YBX1: variants seen among roughly 807,000 people sequenced by gnomAD.
YBX1 encodes Y-box binding protein 1.
In YBX1, 3 loss-of-function variants were observed where a neutral mutation model predicts 41.4. That is an observed-to-expected ratio of 0.07 (90% confidence interval 0.03 to 0.19). YBX1 has a LOEUF of 0.19. Ranked by LOEUF, YBX1 falls within the 10% of genes least tolerant of loss-of-function variation. The pLI, the probability that YBX1 is intolerant of heterozygous loss-of-function variation, is 1.00. For missense variants in YBX1, 274 were observed against 462.8 expected (o/e 0.59, Z 3.74); for synonymous variants, 133 against 165.8 (o/e 0.80, Z 1.52).
intron 3 of YBX1, among the ~76,000 whole-genome samples, chr1:42,693,915 C>G (rs1233299754): frequency 6.6e-6 from 1 of 152,150 alleles, no homozygotes; most frequent in African/African-American, 2.4e-5. Flanking sequence ...AGGGACAAAT[C>G]TCCATAATCA....
intron 1 of YBX1, 128 bp from the exon 2 acceptor site, chr1:42,683,275 C>G (rs774001482): frequency 1.3e-5 from 14 of 1,084,574 alleles, no homozygotes; most frequent in African/African-American, 3.1e-5. Context: ...CGCACCCGGG[C>G]GGTGGAGAGA....
At position 42,692,040 on chromosome 1, in the gene YBX1, C is replaced by T. The variant is rs148805475; in HGVS notation, c.231-1450C>T. 4.0e-3 allele frequency among the ~76,000 whole-genome samples: 609 copies of T among 152,124 alleles called. 3 individuals are homozygous for T. The highest frequency in any genetic ancestry group is 0.014 in the African/African-American group (576 of 41,492). On this transcript the variant is annotated intron_variant, in intron 2 of 7. Transcript: ENST00000321358. ...TAATTTTTTGTAATTTTAGTAGAGA[C>T]GAGGTTTCACGATGTTGGCCAGGCT...
intron 2 of YBX1, among the ~76,000 whole-genome samples, chr1:42,689,149 C>T (rs1650268747): frequency 6.6e-6 from 1 of 152,214 alleles, no homozygotes; most frequent in Non-Finnish European, 1.5e-5. Context: ...TTGCTACCCT[C>T]CAGTCTTAGC....
intron 2 of YBX1, among the ~76,000 whole-genome samples, chr1:42,688,920 A>G (rs1162864243): frequency 2.6e-5 from 4 of 152,250 alleles, no homozygotes; most frequent in Non-Finnish European, 5.9e-5. Context: ...TATAATACAT[A>G]TAAGACAGAA....
intron 3 of YBX1, among the ~76,000 whole-genome samples, chr1:42,695,826 A>G (rs2148740307): frequency 6.6e-6 from 1 of 152,342 alleles, no homozygotes; most frequent in Non-Finnish European, 1.5e-5. Context: ...AAACTGACGC[A>G]GTGTGGGGCC....
chr1:42,689,330 A>G (rs1315310296), intron 2 of YBX1, among the ~76,000 whole-genome samples: 1 of 152,210 alleles, frequency 6.6e-6, no homozygotes, highest in Non-Finnish European at 1.5e-5. Flanking sequence ...TGGTTGCTTT[A>G]GGTTATGGAG....
intron 2 of YBX1, among the ~76,000 whole-genome samples, chr1:42,687,173 T>C (rs1273441386): frequency 6.6e-6 from 1 of 152,224 alleles, no homozygotes; most frequent in Non-Finnish European, 1.5e-5. Context: ...AAGGACTTGC[T>C]TAATTCCTGA....
chr1:42,692,682 G>C (rs1650367540), intron 2 of YBX1, among the ~76,000 whole-genome samples: 1 of 152,186 alleles, frequency 6.6e-6, no homozygotes, highest in African/African-American at 2.4e-5. Flanking sequence ...ACTCTGACCT[G>C]ACGGAGTAAA....
At chr1:42,692,017 AT>A (rs1336122353) in intron 2 of YBX1, among the ~76,000 whole-genome samples, 1 of 152,096 alleles carries the variant, frequency 6.6e-6, no homozygotes, top group East Asian at 1.9e-4. Flanking sequence ...CGCCTGGCTA[AT>A]TTTTTGTAAT....
At chr1:42,690,978 T>G (rs1014598729) in intron 2 of YBX1, among the ~76,000 whole-genome samples, 1 of 152,138 alleles carries the variant, frequency 6.6e-6, no homozygotes, top group African/African-American at 2.4e-5. Context: ...AAAAGAATAG[T>G]GATGGCTGGC....
At chr1:42,699,862 G>A (rs1239508296) in intron 6 of YBX1, among the ~76,000 whole-genome samples, 1 of 152,182 alleles carries the variant, frequency 6.6e-6, no homozygotes, top group African/African-American at 2.4e-5. Context: ...GGAAAGTTGA[G>A]TGGTATAATT....
Position 42,682,508 on chromosome 1 carries a change from C to G in YBX1, c.-58C>G, listed in dbSNP as rs910678948. 2.2e-6 allele frequency: 3 copies of G among 1,391,752 alleles called. No individual in the cohort carries two copies. Among genetic ancestry groups the G allele is most frequent in the Admixed American group, 6.4e-5 (2 of 31,214 alleles). The allele number at this position is 1,391,752 out of a possible 1,614,324, so 86.2% of individuals were successfully genotyped here. The stretch of plus-strand genomic sequence containing the variant: ...CCGCCGCCGCCGGCCTAGTTACCAT[C>G]ACACCCCGGGAGGAGCCGCAGCTGC... On this transcript the variant is annotated 5_prime_UTR_variant, in exon 1 of 8. In the 5' UTR this introduces an upstream ATG that the reference lacks. Transcript: ENST00000321358.
At chr1:42,695,287 C>T (rs1396562732) in intron 3 of YBX1, among the ~76,000 whole-genome samples, 1 of 152,178 alleles carries the variant, frequency 6.6e-6, no homozygotes, top group Non-Finnish European at 1.5e-5. Flanking sequence ...AATGGAAATG[C>T]ATGAGTGATC....
At chr1:42,694,497 A>C (rs1650413233) in intron 3 of YBX1, among the ~76,000 whole-genome samples, 1 of 152,214 alleles carries the variant, frequency 6.6e-6, no homozygotes, top group African/African-American at 2.4e-5. Flanking sequence ...TCCAGAAATC[A>C]AAAGACCTAA....
intron 2 of YBX1, among the ~76,000 whole-genome samples, chr1:42,684,474 G>T (rs370705437): frequency 9.9e-5 from 15 of 152,160 alleles, no homozygotes; most frequent in Admixed American, 7.2e-4. Context: ...ATGATTAAAA[G>T]AACAATGTGG....
At chr1:42,693,636 A>G in intron 3 of YBX1, 113 bp downstream of exon 3, 1 of 1,097,618 alleles carries the variant, frequency 9.1e-7, no homozygotes, top group Non-Finnish European at 1.4e-6. Flanking sequence ...CCACCAGTTT[A>G]TTTACTTACG....
In YBX1 at chr1:42,683,250, G is replaced by GCGA. The variant is rs563367332; in HGVS notation, c.167-151_167-149dup. 1.4e-3 allele frequency: 1,202 copies of GCGA among 866,582 alleles called. 1 individual carries two copies. The highest frequency in any genetic ancestry group is 2.5e-3 in the Admixed American group (125 of 50,510). 53.7% of individuals were successfully genotyped at this position (866,582 alleles called of 1,614,324 possible). On this transcript the variant is annotated intron_variant, in intron 1 of 7. Coordinates refer to ENST00000321358, the MANE Select transcript of YBX1 (RefSeq NM_004559.5). ...CTCACCCACGTGTGCGGCGGCGGCG[G>GCGA]CGACTGCGTGGCCCCGCACCCGGGC...
intron 6 of YBX1, among the ~76,000 whole-genome samples, chr1:42,697,767 C>A (rs893775405): frequency 4.6e-5 from 7 of 151,848 alleles, no homozygotes; most frequent in African/African-American, 1.7e-4. Context: ...TCCAGTCTGT[C>A]GTTAGACAAC....
At position 42,701,600 on chromosome 1, in the gene YBX1, A is replaced by C. The variant is rs369030448; in HGVS notation, c.*32-381A>C. Among the ~76,000 whole-genome samples, 13 of 152,078 alleles carry C rather than the reference A, an allele frequency of 8.5e-5. 1 individual carries two copies. The East Asian group carries it at 1.5e-3, about 18-fold the overall frequency. On this transcript the variant is annotated intron_variant, in intron 7 of 7. Coordinates refer to ENST00000321358, the MANE Select transcript of YBX1 (RefSeq NM_004559.5). ...TGTTTCGTGTCTAAAAAACTCCTAG[A>C]ATGACACGTGGTTTATCATGGTTTA...
Sources: gnomAD v4.1 joint callset for allele counts (sites outside exome capture counted in the v4.1 genomes callset) on GRCh38, gnomAD v4.1.1 for gene constraint, MANE v1.5 for transcripts, NCBI Gene and HGNC (gene_info 2026-07-23, HGNC 2026-07-21) for gene names.